The following TG variants were observed in gnomAD, a reference collection of about 807,000 sequenced individuals.
The protein encoded by TG is thyroglobulin.
TG carries 270 observed loss-of-function variants against 324.7 expected under a neutral mutation model. The observed-to-expected ratio is 0.83, with a 90% CI of 0.75 to 0.92. TG has a LOEUF of 0.92. TG is among the 40% of genes least tolerant of loss of function. The probability of loss-of-function intolerance (pLI) is 0.00; values close to 1 mark genes in which losing one functional copy is unlikely to be tolerated. For synonymous variants in TG, 1,401 were observed against 1,327.0 expected (o/e 1.06, Z -1.21); for missense variants, 3,591 against 3,456.4 (o/e 1.04, Z -0.98).
chr8:133,111,689 G>A lies in TG; in HGVS notation c.7573-1733G>A, dbSNP rs115293719. On this transcript the variant is annotated intron_variant, in intron 43 of 47. Transcript: ENST00000220616. ...AGTGCTATTTCAGGTCTGTGTCTGT[G>A]TATGTCCATGTGTGTTCTGTTATGT... Among the ~76,000 whole-genome samples, 1,141 of 151,292 alleles carry A rather than the reference G, an allele frequency of 7.5e-3. 15 individuals carry two copies. The highest frequency in any genetic ancestry group is 0.026 in the African/African-American group (1,097 of 41,508).
intron 41 of TG, among the ~76,000 whole-genome samples, chr8:133,083,783 C>G (rs905172594): frequency 6.6e-6 from 1 of 152,134 alleles, no homozygotes; most frequent in African/African-American, 2.4e-5. Context: ...AGAATCTAAG[C>G]AGGCTCACGG....
At chr8:133,081,872 T>A (rs929588516) in intron 41 of TG, among the ~76,000 whole-genome samples, 4 of 152,208 alleles carry the variant, frequency 2.6e-5, no homozygotes, top group African/African-American at 9.7e-5. Flanking sequence ...TAAGCCTTCC[T>A]GCCTCTGACG....
intron 16 of TG, 29 bp downstream of exon 16, chr8:132,901,582 G>C: frequency 6.2e-7 from 1 of 1,603,224 alleles, no homozygotes; most frequent in Non-Finnish European, 8.5e-7. Flanking sequence ...GGGGGACGAC[G>C]AGGCCTGCAT....
chr8:132,900,418 G>A (rs1410608414), intron 15 of TG, 79 bp downstream of exon 15: 24 of 1,318,162 alleles, frequency 1.8e-5, no homozygotes, highest in Admixed American at 9.8e-5. Flanking sequence ...AGCTGGCTTC[G>A]TGTCCCAGCT....
At chr8:132,914,913 A>T (rs555513187) in intron 20 of TG, among the ~76,000 whole-genome samples, 4 of 152,134 alleles carry the variant, frequency 2.6e-5, no homozygotes, top group Non-Finnish European at 5.9e-5. Flanking sequence ...CTTGGCTTCA[A>T]CGCCAGATGC....
intron 41 of TG, among the ~76,000 whole-genome samples, chr8:133,082,325 A>T (rs149954433): frequency 6.5e-4 from 99 of 152,354 alleles, no homozygotes; most frequent in African/African-American, 2.3e-3. Context: ...GACTGGGGCA[A>T]CTAGCAAAGG....
intron 27 of TG, among the ~76,000 whole-genome samples, chr8:132,952,288 CG>C (rs1266351299): frequency 6.6e-6 from 1 of 151,970 alleles, no homozygotes; most frequent in Non-Finnish European, 1.5e-5. Flanking sequence ...ACTGGAGATA[CG>C]GCACAAGGGC....
intron 36 of TG, among the ~76,000 whole-genome samples, chr8:133,012,450 G>A (rs1383386480): frequency 1.3e-5 from 2 of 152,192 alleles, no homozygotes; most frequent in East Asian, 3.9e-4. Context: ...AATTTTGGGA[G>A]ACATTTTTCA....
chr8:132,997,954 T>A (rs1833037999), intron 35 of TG, among the ~76,000 whole-genome samples: 1 of 152,152 alleles, frequency 6.6e-6, no homozygotes, highest in South Asian at 2.1e-4. Flanking sequence ...AAAGTGTTTT[T>A]CTTACAAGGG....
intron 43 of TG, among the ~76,000 whole-genome samples, chr8:133,103,996 C>T (rs1266399456): frequency 6.6e-6 from 1 of 152,184 alleles, no homozygotes; most frequent in Non-Finnish European, 1.5e-5. Context: ...TGGAATGGGG[C>T]AATTACTTTA....
intron 23 of TG, among the ~76,000 whole-genome samples, chr8:132,930,967 G>T (rs1222106898): frequency 6.6e-6 from 1 of 152,208 alleles, no homozygotes; most frequent in African/African-American, 2.4e-5. Flanking sequence ...TTGAGTACAG[G>T]TCCAGGCAGG....
At chr8:132,898,346 G>A in intron 13 of TG, 100 bp downstream of exon 13, 2 of 1,184,564 alleles carry the variant, frequency 1.7e-6, no homozygotes, top group Non-Finnish European at 2.4e-6. Flanking sequence ...CCATGGCCCA[G>A]CCCTTCAGCC....
At chr8:133,098,746 C>T (rs780730790) in intron 43 of TG, among the ~76,000 whole-genome samples, 7 of 152,280 alleles carry the variant, frequency 4.6e-5, no homozygotes, top group Middle Eastern at 3.4e-3. Flanking sequence ...AAATGCCATC[C>T]ATCAGGGAGG....
At chr8:132,944,522 C>A (rs576910765) in intron 26 of TG, among the ~76,000 whole-genome samples, 50 of 152,376 alleles carry the variant, frequency 3.3e-4, no homozygotes, top group Non-Finnish European at 5.7e-4. Flanking sequence ...GACAGCCATG[C>A]TCACTGTAGG....
chr8:132,946,248 A>G (rs1310892369), intron 26 of TG, among the ~76,000 whole-genome samples: 1 of 151,934 alleles, frequency 6.6e-6, no homozygotes, highest in Non-Finnish European at 1.5e-5. Context: ...TTTCCTTAGG[A>G]TCATATATGG....
At position 133,112,216 on chromosome 8, in the gene TG, T is replaced by C. The variant is rs532729852; in HGVS notation, c.7573-1206T>C. 2.6e-5 allele frequency among the ~76,000 whole-genome samples: 4 copies of C among 152,392 alleles called. No individual in the cohort carries two copies. The South Asian group carries it at 6.2e-4, about 24-fold the overall frequency. ...CTCATTGATGGAATTCTAATCACAT[T>C]GATGGAATTCTAATCACAGGTCCTG... On this transcript the variant is annotated intron_variant, in intron 43 of 47. Coordinates refer to ENST00000220616, the MANE Select transcript of TG (RefSeq NM_003235.5).
At chr8:132,915,062 C>T (rs1334220802) in intron 20 of TG, among the ~76,000 whole-genome samples, 1 of 151,960 alleles carries the variant, frequency 6.6e-6, no homozygotes, top group Non-Finnish European at 1.5e-5. Context: ...GTGTTTTTGT[C>T]CGTACGCATG....
At chr8:132,871,216 C>A in intron 3 of TG, 132 bp from the exon 4 acceptor site, 1 of 889,906 alleles carries the variant, frequency 1.1e-6, no homozygotes, top group Non-Finnish European at 1.8e-6. Context: ...GCCACCCCAT[C>A]ACTGCGTGTC....
At chr8:133,049,099 A>G (rs750210373) in intron 41 of TG, 3 of 454,004 alleles carry the variant, frequency 6.6e-6, no homozygotes, top group South Asian at 3.1e-5. Flanking sequence ...GGACCCTCAC[A>G]TGGAAGGAAG....
Sources: gnomAD v4.1 joint callset for allele counts (sites outside exome capture counted in the v4.1 genomes callset) on GRCh38, gnomAD v4.1.1 for gene constraint, MANE v1.5 for transcripts, NCBI Gene and HGNC (gene_info 2026-07-23, HGNC 2026-07-21) for gene names.